Variants in ARHGAP24 observed in about 807,000 individuals in gnomAD.
ARHGAP24 encodes Rho GTPase activating protein 24, also known as rho GTPase-activating protein 24.
In ARHGAP24, 50 loss-of-function variants were observed where a neutral mutation model predicts 76.4. The ratio of observed to expected loss-of-function variants is 0.65; its 90% CI spans 0.52 to 0.83. The LOEUF is 0.83. Among genes scored for constraint, ARHGAP24 ranks in the 40% least tolerant of loss-of-function variants. ARHGAP24 has a pLI of 0.00. For synonymous variants in ARHGAP24, 345 were observed against 323.3 expected, an observed-to-expected ratio of 1.07 and a Z score of -0.72; for missense variants, 930 against 914.2, an observed-to-expected ratio of 1.02 and a Z score of -0.22.
intron 1 of ARHGAP24, among the ~76,000 whole-genome samples, chr4:85,518,356 A>T (rs59551861): frequency 1.6e-5 from 2 of 121,422 alleles, no homozygotes; most frequent in South Asian, 2.2e-4. Flanking sequence ...TTCTTTTTTT[A>T]AAAAAATTTA....
rs186889481 is a variant in ARHGAP24, at chr4:85,572,961, C to G, written c.180+2240C>G. On this transcript the variant is annotated intron_variant, in intron 2 of 9. Coordinates refer to ENST00000395184, the MANE Select transcript of ARHGAP24 (RefSeq NM_001025616.3). ...GTGCGATCTCGGCTCACTGCAACCT[C>G]TGCCTCCTGGGTTCAAGCGATTCTC... is the stretch of plus-strand genomic sequence containing the variant. Among the ~76,000 whole-genome samples the G allele has an allele frequency of 8.1e-5, 12 of 148,202 alleles. No individual in the cohort carries two copies. The East Asian group carries it at 2.4e-3, about 30-fold the overall frequency.
Position 85,475,233 on chromosome 4 carries a change from C to T in ARHGAP24, c.-347C>T, listed in dbSNP as rs1722517320. On this transcript the variant is annotated 5_prime_UTR_variant, in exon 1 of 10. An upstream open reading frame in the 5' UTR gains an earlier in-frame stop. Transcript: ENST00000395184. The stretch of plus-strand genomic sequence containing the variant: ...ACACAGCCCAGCTCCGGGTGGAAAC[C>T]AGCAGGGCTCTGGAGGGGCTCGGAG... 1.3e-5 allele frequency: 2 copies of T among 152,306 alleles called. No homozygotes were observed. The highest frequency in any genetic ancestry group is 2.9e-5 in the Non-Finnish European group (2 of 68,104). 9.4% of individuals were successfully genotyped at this position (152,306 alleles called of 1,614,324 possible).
chr4:85,785,546 TTTC>T (rs1198747547), intron 3 of ARHGAP24, among the ~76,000 whole-genome samples: 3 of 151,688 alleles, frequency 2.0e-5, no homozygotes, highest in Non-Finnish European at 4.4e-5. Context: ...ACAGATTTTT[TTTC>T]TTTTTAACAA....
intron 1 of ARHGAP24, among the ~76,000 whole-genome samples, chr4:85,510,832 GCT>G (rs3028035): frequency 2.8e-5 from 4 of 144,642 alleles, no homozygotes; most frequent in Admixed American, 7.0e-5. Flanking sequence ...CTTCTCTCTC[GCT>G]CTCTCTCTCT....
At chr4:85,620,243 T>C (rs1013224824) in intron 2 of ARHGAP24, among the ~76,000 whole-genome samples, 11 of 151,992 alleles carry the variant, frequency 7.2e-5, no homozygotes, top group African/African-American at 2.7e-4. Context: ...AGTTTTTCTT[T>C]AAACATTTGG....
At chr4:85,494,798 T>C (rs1385748210) in intron 1 of ARHGAP24, among the ~76,000 whole-genome samples, 1 of 152,004 alleles carries the variant, frequency 6.6e-6, no homozygotes, top group African/African-American at 2.4e-5. Flanking sequence ...ATGAAAACTC[T>C]CAAGAAAAAG....
At chr4:85,549,463 G>C (rs548307466) in intron 1 of ARHGAP24, among the ~76,000 whole-genome samples, 1 of 152,054 alleles carries the variant, frequency 6.6e-6, no homozygotes, top group East Asian at 1.9e-4. Flanking sequence ...CCTCTGTGAA[G>C]TGCCTATTTA....
chr4:85,583,245 T>C (rs1727690055), intron 2 of ARHGAP24, among the ~76,000 whole-genome samples: 1 of 152,154 alleles, frequency 6.6e-6, no homozygotes, highest in Non-Finnish European at 1.5e-5. Context: ...AAATTAAAGA[T>C]GTATTTTAAT....
intron 2 of ARHGAP24, among the ~76,000 whole-genome samples, chr4:85,582,403 A>G (rs147433850): frequency 3.9e-5 from 6 of 152,184 alleles, no homozygotes; most frequent in Admixed American, 1.3e-4. Flanking sequence ...TTAAGATGTT[A>G]TCTCCGTTTT....
At chr4:85,492,909 G>A (rs930586317) in intron 1 of ARHGAP24, among the ~76,000 whole-genome samples, 3 of 152,008 alleles carry the variant, frequency 2.0e-5, no homozygotes, top group East Asian at 1.9e-4. Flanking sequence ...GAGACAAACC[G>A]AAATCATACA....
intron 3 of ARHGAP24, among the ~76,000 whole-genome samples, chr4:85,913,908 G>A (rs975674308): frequency 3.9e-5 from 6 of 152,132 alleles, no homozygotes; most frequent in Admixed American, 1.3e-4. Context: ...TTCAAAAGTG[G>A]CACGTCTCTC....
At position 85,704,281 on chromosome 4, in the gene ARHGAP24, CTTCT is replaced by C. The variant is rs142183484; in HGVS notation, c.181-17599_181-17596del. On this transcript the variant is annotated intron_variant, in intron 2 of 9. Transcript: ENST00000395184. ...TTTTTAATACTGCACTTTAATATAT[CTTCT>C]TTCTATCATTGTAGCTTCCAGCCTT... Among the ~76,000 whole-genome samples, 1,448 of 152,202 alleles carry C rather than the reference CTTCT, an allele frequency of 9.5e-3. 24 individuals are homozygous for C. Among genetic ancestry groups the C allele is most frequent in the African/African-American group, 0.032 (1,324 of 41,518 alleles).
rs147341842 is a variant in ARHGAP24, at chr4:85,883,832, A to G, written c.269-39816A>G. On this transcript the variant is annotated intron_variant, in intron 3 of 9. Transcript: ENST00000395184. ...TTCATTTGGGTCTTATATGATTATC[A>G]AGCAGAGTATAGCTGCTTGTTCTAG... Among the ~76,000 whole-genome samples, 522 of 152,274 alleles carry G rather than the reference A, an allele frequency of 3.4e-3. 3 individuals carry two copies. The highest frequency in any genetic ancestry group is 5.8e-3 in the Non-Finnish European group (392 of 68,022).
At chr4:85,594,542 G>A (rs1343268785) in intron 2 of ARHGAP24, among the ~76,000 whole-genome samples, 1 of 152,110 alleles carries the variant, frequency 6.6e-6, no homozygotes, top group South Asian at 2.1e-4. Context: ...AAAGTTAGAA[G>A]GAGAGATGAT....
At chr4:85,792,006 C>T (rs1728151833) in intron 3 of ARHGAP24, among the ~76,000 whole-genome samples, 2 of 151,932 alleles carry the variant, frequency 1.3e-5, no homozygotes, top group Admixed American at 1.3e-4. Context: ...GAAGCAAAAA[C>T]GATACTGAAA....
intron 6 of ARHGAP24, 117 bp from the exon 7 acceptor site, chr4:85,974,771 C>A (rs1739227181): frequency 3.5e-6 from 3 of 861,866 alleles, no homozygotes; most frequent in Non-Finnish European, 5.5e-6. Context: ...GGGACAAGAT[C>A]TTTCACTGAT....
At chr4:85,503,453 A>G (rs1723908596) in intron 1 of ARHGAP24, among the ~76,000 whole-genome samples, 1 of 152,132 alleles carries the variant, frequency 6.6e-6, no homozygotes, top group African/African-American at 2.4e-5. Context: ...GGGAGGGTGT[A>G]TGTGTTCAGA....
intron 3 of ARHGAP24, among the ~76,000 whole-genome samples, chr4:85,884,098 G>C (rs1030797431): frequency 6.6e-6 from 1 of 152,172 alleles, no homozygotes; most frequent in Non-Finnish European, 1.5e-5. Context: ...AATTGTAATT[G>C]ATGATAACAC....
At chr4:85,938,226 G>A (rs1183235745) in intron 4 of ARHGAP24, among the ~76,000 whole-genome samples, 1 of 152,144 alleles carries the variant, frequency 6.6e-6, no homozygotes, top group Non-Finnish European at 1.5e-5. Context: ...TCACAGGGAG[G>A]GGAGGTAGGC....
Sources: gnomAD v4.1 joint callset for allele counts (sites outside exome capture counted in the v4.1 genomes callset) on GRCh38, gnomAD v4.1.1 for gene constraint, MANE v1.5 for transcripts, NCBI Gene and HGNC (gene_info 2026-07-23, HGNC 2026-07-21) for gene names.